Variants in SAMD5 observed in about 807,000 individuals in gnomAD.
SAMD5 encodes the protein sterile alpha motif domain containing 5.
In SAMD5, 13 loss-of-function variants were observed where a neutral mutation model predicts 11.3. That is an observed-to-expected ratio of 1.15 (90% CI 0.75 to 1.83). The LOEUF is 1.83. Ranked by LOEUF, SAMD5 falls within the 40% of genes most tolerant of loss-of-function variation. SAMD5 has a pLI of 0.00. For synonymous variants in SAMD5, 129 were observed against 111.3 expected (o/e 1.16, Z -1.00); for missense variants, 255 against 239.1 (o/e 1.07, Z -0.44).
At chr6:147,887,329 C>T in the SAMD5 span, among the ~76,000 whole-genome samples, 4 of 152,132 alleles carry the variant, frequency 2.6e-5, no homozygotes, top group Non-Finnish European at 4.4e-5. Flanking sequence ...CCTTTGTAAT[C>T]TCATCCCTCT....
Position 147,711,593 on chromosome 6 carries a change from T to C in SAMD5, c.163-25724T>C, listed in dbSNP as rs1229979567. 3.9e-5 allele frequency among the ~76,000 whole-genome samples: 6 copies of C among 152,262 alleles called. No homozygotes were observed. The East Asian group carries it at 5.8e-4, about 15-fold the overall frequency. Reference sequence around the variant, plus strand: ...TTCATTTAATTGAGGATGTAGAAAATATTGCAGAGAGTAAAGAAAAGGCTA... The same window carrying C: ...TTCATTTAATTGAGGATGTAGAAAACATTGCAGAGAGTAAAGAAAAGGCTA... On this transcript the variant is annotated intron_variant, in intron 1 of 1. Transcript: ENST00000566741. The surrounding 1 kb of genome is among the most constrained non-coding windows in gnomAD (Gnocchi z 4.1).
chr6:147,702,281 A>T (rs1031445556), intron 1 of SAMD5, among the ~76,000 whole-genome samples: 2 of 152,212 alleles, frequency 1.3e-5, no homozygotes, highest in Admixed American at 6.5e-5. Flanking sequence ...ACATGTGGGA[A>T]TTATGGGAGC....
chr6:147,930,088 T>A, the SAMD5 span, among the ~76,000 whole-genome samples: 2 of 152,106 alleles, frequency 1.3e-5, no homozygotes, highest in Non-Finnish European at 2.9e-5. Context: ...AGATTATCCC[T>A]CTTAAGTTCA....
At chr6:147,583,419 C>T (rs543358456) in intron 1 of SAMD5, among the ~76,000 whole-genome samples, 8 of 152,140 alleles carry the variant, frequency 5.3e-5, no homozygotes, top group Non-Finnish European at 1.0e-4. Context: ...TTATTTAAAA[C>T]GTATTAAGGA....
At chr6:147,722,546 C>T (rs1791570687) in intron 1 of SAMD5, among the ~76,000 whole-genome samples, 2 of 152,286 alleles carry the variant, frequency 1.3e-5, no homozygotes, top group South Asian at 4.1e-4. Context: ...TCTCCCTAGG[C>T]AGAAATGATT....
intron 1 of SAMD5, among the ~76,000 whole-genome samples, chr6:147,542,357 C>A (rs562163225): frequency 1.3e-5 from 2 of 152,188 alleles, no homozygotes; most frequent in African/African-American, 2.4e-5. Flanking sequence ...AGGGGTTCAC[C>A]TTGCGCACTA....
intron 1 of SAMD5, among the ~76,000 whole-genome samples, chr6:147,653,199 A>T (rs1421499012): frequency 6.6e-6 from 1 of 152,254 alleles, no homozygotes; most frequent in Non-Finnish European, 1.5e-5. Flanking sequence ...CTAAATAGGA[A>T]GTAAGGTATT....
the SAMD5 span, among the ~76,000 whole-genome samples, chr6:147,817,690 C>T: frequency 6.6e-6 from 1 of 152,148 alleles, no homozygotes; most frequent in African/African-American, 2.4e-5. Flanking sequence ...TCCATGGGAG[C>T]CTGAGTTTTA....
chr6:147,656,927 T>C (rs7774479), intron 1 of SAMD5, among the ~76,000 whole-genome samples: 12,396 of 151,970 alleles, frequency 0.082, 825 homozygotes, highest in African/African-American at 0.18. Flanking sequence ...TGTGTGTGTG[T>C]GTGTGTATCC....
the SAMD5 span, among the ~76,000 whole-genome samples, chr6:147,748,622 T>C: frequency 6.6e-6 from 1 of 151,938 alleles, no homozygotes; most frequent in Non-Finnish European, 1.5e-5. Flanking sequence ...GGTTTGACAG[T>C]GGGGCCACAG....
chr6:147,838,921 A>G, the SAMD5 span, among the ~76,000 whole-genome samples: 2 of 152,246 alleles, frequency 1.3e-5, no homozygotes, highest in Non-Finnish European at 2.9e-5. Flanking sequence ...CAGGGCAACA[A>G]CTGAGCATTT....
chr6:147,898,016 G>A, the SAMD5 span, among the ~76,000 whole-genome samples: 1 of 147,414 alleles, frequency 6.8e-6, no homozygotes, highest in Non-Finnish European at 1.5e-5. Context: ...GCTGCAGGCT[G>A]TCAGGATCCT....
chr6:147,560,707 A>G (rs1788933687), intron 1 of SAMD5, among the ~76,000 whole-genome samples: 1 of 152,220 alleles, frequency 6.6e-6, no homozygotes, highest in Non-Finnish European at 1.5e-5. Context: ...AAAAAATGCA[A>G]TCTCATAAAT....
chr6:147,833,608 C>T, the SAMD5 span, among the ~76,000 whole-genome samples: 1 of 152,110 alleles, frequency 6.6e-6, no homozygotes, highest in Non-Finnish European at 1.5e-5. Flanking sequence ...GACTGTAAAA[C>T]CTTGTTGTGG....
the SAMD5 span, among the ~76,000 whole-genome samples, chr6:147,902,511 C>T: frequency 6.6e-6 from 1 of 152,152 alleles, no homozygotes; most frequent in Non-Finnish European, 1.5e-5. Flanking sequence ...GGGAGCCTTA[C>T]TTTTTCTCAG....
chr6:147,552,008 G>T (rs375426726), intron 1 of SAMD5, among the ~76,000 whole-genome samples: 1 of 151,892 alleles, frequency 6.6e-6, no homozygotes. Context: ...TATCCCACCC[G>T]TTGAGCTTCT....
At chr6:147,624,298 G>A (rs1486096588) in intron 1 of SAMD5, among the ~76,000 whole-genome samples, 8 of 152,248 alleles carry the variant, frequency 5.3e-5, no homozygotes, top group East Asian at 1.9e-4. Context: ...GGGCATGCTC[G>A]CTTCCCCCAC....
the SAMD5 span, among the ~76,000 whole-genome samples, chr6:147,911,619 A>G: frequency 6.6e-6 from 1 of 152,032 alleles, no homozygotes; most frequent in African/African-American, 2.4e-5. Context: ...CCTTTGACCA[A>G]GATGGCCCTT....
chr6:147,719,414 C>T (rs920038138), intron 1 of SAMD5, among the ~76,000 whole-genome samples: 1 of 152,098 alleles, frequency 6.6e-6, no homozygotes, highest in African/African-American at 2.4e-5. Context: ...GCCTATGGCT[C>T]TTAGGCTCAA....
Sources: gnomAD v4.1 joint callset for allele counts (sites outside exome capture counted in the v4.1 genomes callset) on GRCh38, gnomAD v4.1.1 for gene constraint, Gnocchi (gnomAD v3.1) non-coding constraint, MANE v1.5 for transcripts, NCBI Gene and HGNC (gene_info 2026-07-23, HGNC 2026-07-21) for gene names.